DLG2: variants seen among roughly 807,000 people sequenced by gnomAD.
The protein encoded by DLG2 is disks large homolog 2.
A neutral mutation model predicts 132.5 loss-of-function variants in DLG2; 45 were observed. The ratio of observed to expected loss-of-function variants is 0.34; its 90% CI spans 0.27 to 0.44. DLG2 has a LOEUF of 0.44. Ranked by LOEUF, DLG2 falls within the 20% of genes least tolerant of loss-of-function variation. The pLI is 1.00. For missense variants in DLG2, 1,045 were observed against 1,196.9 expected (o/e 0.87, Z 1.87); for synonymous variants, 424 against 419.6 (o/e 1.01, Z -0.13).
In DLG2 at chr11:84,703,857, GATATATAT is replaced by G. The variant is rs5793132; in HGVS notation, c.358-169134_358-169127del. 5.4e-3 allele frequency among the ~76,000 whole-genome samples: 558 copies of G among 102,694 alleles called. 10 individuals are homozygous for G. The highest frequency in any genetic ancestry group is 7.7e-3 in the Non-Finnish European group (400 of 52,178). The allele number at this position is 102,694 out of a possible 152,430, so 67.4% of individuals were successfully genotyped here. A position where few individuals can be genotyped will look rare whatever the true frequency, so the allele number is the denominator to read the frequency against. ...AATAATGCTAAAACTATGTAGTGAA[GATATATAT>G]ATATATATATATATATATACACGTG... On this transcript the variant is annotated intron_variant, in intron 6 of 27. Coordinates refer to ENST00000376104, the MANE Select transcript of DLG2 (RefSeq NM_001142699.3).
chr11:83,792,563 A>G (rs1257906366), intron 17 of DLG2, among the ~76,000 whole-genome samples: 4 of 152,124 alleles, frequency 2.6e-5, no homozygotes, highest in Admixed American at 6.5e-5. Flanking sequence ...GCCACTTTAT[A>G]AAATATATAA....
chr11:85,128,950 A>G (rs1431765296), intron 5 of DLG2, among the ~76,000 whole-genome samples: 3 of 152,200 alleles, frequency 2.0e-5, no homozygotes, highest in Non-Finnish European at 4.4e-5. Flanking sequence ...CCACCACAAC[A>G]TCACTTAGAC....
intron 7 of DLG2, among the ~76,000 whole-genome samples, chr11:84,527,950 C>T (rs1353444197): frequency 7.2e-6 from 1 of 139,104 alleles, no homozygotes; most frequent in Admixed American, 7.3e-5. Flanking sequence ...ATAAATACTC[C>T]TACAGGGCAC....
At chr11:84,111,161 T>C (rs1003527342) in intron 9 of DLG2, among the ~76,000 whole-genome samples, 8 of 152,240 alleles carry the variant, frequency 5.3e-5, no homozygotes, top group African/African-American at 1.9e-4. Flanking sequence ...TCATTTTCCA[T>C]GCCAGGATTG....
At chr11:85,381,043 T>C (rs1300578577) in intron 3 of DLG2, among the ~76,000 whole-genome samples, 1 of 152,204 alleles carries the variant, frequency 6.6e-6, no homozygotes, top group Admixed American at 6.6e-5. Context: ...ATTTCTCTAC[T>C]ATAAGAAAAG....
intron 7 of DLG2, among the ~76,000 whole-genome samples, chr11:84,336,390 C>A (rs1430496808): frequency 6.6e-6 from 1 of 152,206 alleles, no homozygotes; most frequent in South Asian, 2.1e-4. Context: ...TTCCTCCCAA[C>A]CATTTTCAAT....
At chr11:84,261,419 T>C (rs2097546692) in intron 7 of DLG2, among the ~76,000 whole-genome samples, 1 of 152,130 alleles carries the variant, frequency 6.6e-6, no homozygotes, top group Admixed American at 6.6e-5. Context: ...AATCTAAAGT[T>C]CCAGATGCTT....
intron 19 of DLG2, among the ~76,000 whole-genome samples, chr11:83,589,737 A>G (rs1225894244): frequency 1.3e-4 from 20 of 151,500 alleles, no homozygotes; most frequent in Non-Finnish European, 2.2e-4. Flanking sequence ...TGCTGTATTC[A>G]GGAAACCCAT....
intron 6 of DLG2, among the ~76,000 whole-genome samples, chr11:84,951,137 GACTGAC>G (rs2050856633): frequency 2.0e-5 from 3 of 152,136 alleles, no homozygotes; most frequent in African/African-American, 7.2e-5. Context: ...GAGAGGGAAT[GACTGAC>G]ACTTTAAAAA....
intron 6 of DLG2, among the ~76,000 whole-genome samples, chr11:84,541,926 G>A (rs897112495): frequency 2.6e-5 from 4 of 152,076 alleles, no homozygotes; most frequent in East Asian, 1.9e-4. Flanking sequence ...ATTTAAAAAC[G>A]GAATCTTACA....
At chr11:84,358,038 A>T (rs952470109) in intron 7 of DLG2, among the ~76,000 whole-genome samples, 1 of 152,022 alleles carries the variant, frequency 6.6e-6, no homozygotes. Context: ...AATGACAATT[A>T]CCCATATTTT....
At chr11:84,610,254 A>T (rs1476864027) in intron 6 of DLG2, among the ~76,000 whole-genome samples, 1 of 152,036 alleles carries the variant, frequency 6.6e-6, no homozygotes, top group Non-Finnish European at 1.5e-5. Context: ...TCTATAATAA[A>T]CATATTAATA....
intron 6 of DLG2, among the ~76,000 whole-genome samples, chr11:84,958,339 A>G (rs1314869831): frequency 1.3e-5 from 2 of 152,200 alleles, no homozygotes; most frequent in Non-Finnish European, 2.9e-5. Context: ...TCTATTGGAA[A>G]GCATTTCTAT....
At chr11:84,169,199 T>G (rs1372216435) in intron 8 of DLG2, among the ~76,000 whole-genome samples, 1 of 152,208 alleles carries the variant, frequency 6.6e-6, no homozygotes, top group African/African-American at 2.4e-5. Context: ...ATCACACATC[T>G]TAAGTGATTA....
intron 11 of DLG2, among the ~76,000 whole-genome samples, chr11:83,987,929 T>A (rs923359247): frequency 6.6e-6 from 1 of 152,192 alleles, no homozygotes; most frequent in African/African-American, 2.4e-5. Flanking sequence ...GCAGCATGGG[T>A]GTCTTCTTTT....
intron 6 of DLG2, among the ~76,000 whole-genome samples, chr11:85,044,126 A>G: frequency 6.6e-6 from 1 of 151,944 alleles, no homozygotes; most frequent in East Asian, 1.9e-4. Context: ...TTCACTTAGT[A>G]ACTTCTTTAT....
At chr11:84,254,154 T>C (rs893359375) in intron 7 of DLG2, among the ~76,000 whole-genome samples, 3 of 152,192 alleles carry the variant, frequency 2.0e-5, no homozygotes, top group Admixed American at 1.3e-4. Context: ...ATGTAATTCT[T>C]GTATTTCCCC....
intron 6 of DLG2, among the ~76,000 whole-genome samples, chr11:84,728,259 G>A (rs544401652): frequency 1.3e-5 from 2 of 152,092 alleles, no homozygotes; most frequent in Admixed American, 6.6e-5. Context: ...TTTGAGATAC[G>A]TTCCATTGAT....
intron 6 of DLG2, among the ~76,000 whole-genome samples, chr11:84,829,775 C>T (rs1430458318): frequency 1.3e-5 from 2 of 151,604 alleles, no homozygotes; most frequent in Admixed American, 6.6e-5. Flanking sequence ...TCAAAAGATA[C>T]TTGAGACATT....
Sources: allele counts gnomAD v4.1 joint callset (sites outside exome capture counted in the v4.1 genomes callset), GRCh38; gene constraint gnomAD v4.1.1; transcripts MANE v1.5; gene names NCBI Gene and HGNC (gene_info 2026-07-23, HGNC 2026-07-21).